Variants in DST observed in about 807,000 individuals in gnomAD.
The protein encoded by DST is bullous pemphigoid antigen.
A neutral mutation model predicts 875.2 loss-of-function variants in DST; 253 were observed. The ratio of observed to expected loss-of-function variants is 0.29; its 90% CI spans 0.26 to 0.32. DST has a LOEUF of 0.32. DST is among the 10% of genes least tolerant of loss of function. The pLI is 1.00. For synonymous variants in DST, 3,124 were observed against 3,197.1 expected (o/e 0.98, Z 0.77); for missense variants, 8,287 against 9,111.6 (o/e 0.91, Z 3.68).
chr6:56,758,830 G>A (rs1400748710), intron 4 of DST, among the ~76,000 whole-genome samples: 1 of 152,196 alleles, frequency 6.6e-6, no homozygotes, highest in Non-Finnish European at 1.5e-5. Flanking sequence ...CAAGGCAGAG[G>A]CTGCATCACC....
At chr6:56,712,105 A>AAAAAAAAAAAAAAAAAT (rs1563813928) in intron 5 of DST, among the ~76,000 whole-genome samples, 1 of 150,574 alleles carries the variant, frequency 6.6e-6, no homozygotes. Flanking sequence ...AAAAAAAAAA[A>AAAAAAAAAAAAAAAAAT]ATAGGAGGAG....
chr6:56,470,349 C>T, intron 95 of DST, 67 bp from the exon 96 acceptor site: 2 of 1,316,374 alleles, frequency 1.5e-6, no homozygotes, highest in Non-Finnish European at 2.1e-6. Flanking sequence ...CTCAATTGCA[C>T]ATTTCAATCT....
intron 77 of DST, among the ~76,000 whole-genome samples, chr6:56,505,786 G>A (rs1285572060): frequency 2.0e-5 from 3 of 151,980 alleles, no homozygotes; most frequent in African/African-American, 4.8e-5. Context: ...GGGAGGTAGG[G>A]AGAGAAATAT....
rs1323887213 is a variant in DST at position 56,493,160 on chromosome 6, T to C, written c.20395-71A>G. The C allele has an allele frequency of 2.9e-6, 4 of 1,402,464 alleles. No individual in the cohort carries two copies. The African/African-American group carries it at 5.7e-5, about 20-fold the overall frequency. The allele number at this position is 1,402,464 out of a possible 1,614,324, so 86.9% of individuals were successfully genotyped here. ...TATTTTGTTTGTTTCAGTTTAAATATTCTCTGGCAGATTCCTTTCCTATCC... is the reference window on the plus strand; with the variant it reads ...TATTTTGTTTGTTTCAGTTTAAATACTCTCTGGCAGATTCCTTTCCTATCC... On this transcript the variant is annotated intron_variant, in intron 83 of 103. Coordinates refer to ENST00000680361, the MANE Select transcript of DST (RefSeq NM_001374736.1).
At chr6:56,677,032 T>A (rs926972952) in intron 9 of DST, among the ~76,000 whole-genome samples, 1 of 152,162 alleles carries the variant, frequency 6.6e-6, no homozygotes, top group Admixed American at 6.5e-5. Flanking sequence ...ATTTTAAGTG[T>A]TTTCACCTGA....
At chr6:56,555,070 T>G (rs1490298163) in intron 60 of DST, among the ~76,000 whole-genome samples, 1 of 152,216 alleles carries the variant, frequency 6.6e-6, no homozygotes, top group Non-Finnish European at 1.5e-5. Flanking sequence ...AACATTTACA[T>G]TTTTTAAAAA....
intron 4 of DST, chr6:56,843,015 C>A: frequency 7.3e-7 from 1 of 1,378,778 alleles, no homozygotes; most frequent in Non-Finnish European, 9.6e-7. Context: ...CCTCTCTGAT[C>A]AGTGCCAAGC....
In DST at chr6:56,758,639, T is replaced by A. The variant is rs189170548; in HGVS notation, c.626-23350A>T. Among the ~76,000 whole-genome samples the A allele has an allele frequency of 3.6e-3, 541 of 152,320 alleles. 1 individual carries two copies. Among genetic ancestry groups the A allele is most frequent in the Non-Finnish European group, 5.8e-3 (397 of 68,036 alleles). The stretch of plus-strand genomic sequence containing the variant: ...TGGGGACTGGAATCATCTGGAGGCA[T>A]CCTCACTCACATGGCTGGTGGCTGA... On this transcript the variant is annotated intron_variant, in intron 4 of 103. Coordinates refer to ENST00000680361, the MANE Select transcript of DST (RefSeq NM_001374736.1).
Position 56,597,720 on chromosome 6 carries a change from ATATGTT to A in DST, c.12195+14_12195+19del, listed in dbSNP as rs1324351310. ...CCTGGAAATAGAATTGAACGATATC[ATATGTT>A]TATAACAACACACCTTAACTTTCTG... is the stretch of plus-strand genomic sequence containing the variant. On this transcript the variant is annotated intron_variant, in intron 47 of 103. Coordinates refer to ENST00000680361, the MANE Select transcript of DST (RefSeq NM_001374736.1). 6.2e-7 allele frequency: 1 copy of A among 1,603,182 alleles called. No homozygotes were observed. Among genetic ancestry groups the A allele is most frequent in the African/African-American group, 1.3e-5 (1 of 74,710 alleles).
In DST at chr6:56,560,394, T is replaced by C; in HGVS notation, c.14340A>G (p.Val4780=). ...TGTCTTTCAACTCCTGTACTTTGTT[T>C]ACATTCTGCTTCAGTTCTGCCTCAA... ...KSFEAELKQN[V]NKVQELKDKL... The change falls in exon 58 of 104, where the codon GTA becomes GTG. Residue 4780 remains valine (V), a synonymous_variant. Transcript: ENST00000680361. 1 of 1,602,640 alleles carries C rather than the reference T, an allele frequency of 6.2e-7. No individual in the cohort carries two copies. Among genetic ancestry groups the C allele is most frequent in the South Asian group, 1.1e-5 (1 of 89,330 alleles).
intron 2 of DST, among the ~76,000 whole-genome samples, chr6:56,926,132 G>T (rs1220693765): frequency 6.8e-6 from 1 of 146,936 alleles, no homozygotes; most frequent in Non-Finnish European, 1.5e-5. Flanking sequence ...TAGTACAGGT[G>T]GATTTAAAAA....
chr6:56,697,278 C>G (rs2099269079), intron 9 of DST, among the ~76,000 whole-genome samples: 1 of 152,200 alleles, frequency 6.6e-6, no homozygotes, highest in Non-Finnish European at 1.5e-5. Context: ...TTCAATTTTG[C>G]ATCCCCAACT....
intron 99 of DST, among the ~76,000 whole-genome samples, chr6:56,465,873 A>C (rs1467167701): frequency 6.6e-6 from 1 of 151,544 alleles, no homozygotes; most frequent in Non-Finnish European, 1.5e-5. Flanking sequence ...AAAGTAAAAA[A>C]AAAAAAAAAA....
intron 5 of DST, among the ~76,000 whole-genome samples, chr6:56,706,986 C>T (rs2099343614): frequency 2.0e-5 from 3 of 152,210 alleles, no homozygotes; most frequent in Admixed American, 2.0e-4. Flanking sequence ...GCCTGGGCAA[C>T]AGAGTGAGAT....
rs756201295 is a variant in DST at position 56,634,879 on chromosome 6, T to C, written c.3261A>G (p.Gln1087=). 2.5e-6 allele frequency: 4 copies of C among 1,613,860 alleles called. No homozygotes were observed. The highest frequency in any genetic ancestry group is 1.6e-4 in the Middle Eastern group (1 of 6,062). Residue 1087 remains glutamine, a synonymous_variant, in exon 25 of 104, where the codon CAA becomes CAG. Transcript: ENST00000680361. ...NLMGKAKTII[Q]LKPRNSDCPL... ...GACAGTCAGAATTCCTTGGCTTCAGTTGAATTATTGTTTTTGCTTTTCCCA... is the reference window on the plus strand; with the variant it reads ...GACAGTCAGAATTCCTTGGCTTCAGCTGAATTATTGTTTTTGCTTTTCCCA...
At chr6:56,593,563 C>T (rs1347325780) in intron 48 of DST, 100 bp downstream of exon 48, 5 of 901,034 alleles carry the variant, frequency 5.5e-6, no homozygotes, top group Non-Finnish European at 7.8e-6. Context: ...CCTTTTCCTC[C>T]TGTTTTGGAT....
chr6:56,642,922 T>C, intron 15 of DST: 2 of 1,520,208 alleles, frequency 1.3e-6, no homozygotes, highest in South Asian at 2.5e-5. Context: ...TCCTTAAATA[T>C]GCTTCAACAT....
chr6:56,876,842 T>G (rs1434351805), intron 3 of DST, among the ~76,000 whole-genome samples: 2 of 152,308 alleles, frequency 1.3e-5, no homozygotes, highest in East Asian at 3.9e-4. Flanking sequence ...AAAGGCCCCC[T>G]TTCATCTCCC....
At chr6:56,574,718 T>C (rs1000386225) in intron 50 of DST, among the ~76,000 whole-genome samples, 1 of 152,174 alleles carries the variant, frequency 6.6e-6, no homozygotes, top group Non-Finnish European at 1.5e-5. Flanking sequence ...ACATTCTATA[T>C]TGTAGACCAA....
Sources: allele counts gnomAD v4.1 joint callset (sites outside exome capture counted in the v4.1 genomes callset), GRCh38; gene constraint gnomAD v4.1.1; transcripts MANE v1.5; gene names NCBI Gene and HGNC (gene_info 2026-07-23, HGNC 2026-07-21).